METTL25: variants seen among roughly 807,000 people sequenced by gnomAD.
METTL25 encodes the protein probable methyltransferase-like protein 25.
A neutral mutation model predicts 71.6 loss-of-function variants in METTL25; 64 were observed. That is an observed-to-expected ratio of 0.89 (90% CI 0.73 to 1.10). The LOEUF is 1.10. Among genes scored for constraint, METTL25 ranks in the 50% least tolerant of loss-of-function variants. The pLI, the probability that METTL25 is intolerant of heterozygous loss-of-function variation, is 0.00. For missense variants in METTL25, 807 were observed against 707.0 expected, an observed-to-expected ratio of 1.14 and a Z score of -1.60; for synonymous variants, 287 against 250.3, an observed-to-expected ratio of 1.15 and a Z score of -1.38.
At chr12:82,364,772 C>A (rs1393623552) in intron 1 of METTL25, among the ~76,000 whole-genome samples, 1 of 152,038 alleles carries the variant, frequency 6.6e-6, no homozygotes, top group African/African-American at 2.4e-5. Flanking sequence ...ATAATTAGGT[C>A]TTTACTTGGA....
intron 8 of METTL25, among the ~76,000 whole-genome samples, chr12:82,446,242 C>G (rs1003099054): frequency 8.5e-5 from 13 of 152,060 alleles, no homozygotes; most frequent in Non-Finnish European, 5.9e-5. Context: ...CTTGAACACC[C>G]CACTTTTAGT....
intron 5 of METTL25, chr12:82,407,949 A>C: frequency 1.0e-6 from 1 of 985,262 alleles, no homozygotes; most frequent in South Asian, 4.7e-5. Context: ...AAAACAGAGA[A>C]GATGTGAACC....
intron 1 of METTL25, among the ~76,000 whole-genome samples, chr12:82,365,964 C>T (rs1278603065): frequency 1.3e-5 from 2 of 152,058 alleles, no homozygotes; most frequent in East Asian, 3.9e-4. Flanking sequence ...CACCTGTAGT[C>T]CCAGCTACTC....
chr12:82,448,634 T>G (rs1265316755), intron 8 of METTL25, among the ~76,000 whole-genome samples: 1 of 152,080 alleles, frequency 6.6e-6, no homozygotes, highest in Non-Finnish European at 1.5e-5. Flanking sequence ...TAGTTTAATT[T>G]TAATTGTGAT....
intron 1 of METTL25, among the ~76,000 whole-genome samples, chr12:82,373,044 G>A (rs543595053): frequency 3.4e-4 from 51 of 152,046 alleles, no homozygotes; most frequent in Non-Finnish European, 6.3e-4. Context: ...GCACCCTTGC[G>A]TGTCCTCCTA....
chr12:82,470,503 G>C (rs976895719), intron 9 of METTL25, among the ~76,000 whole-genome samples: 10 of 151,988 alleles, frequency 6.6e-5, no homozygotes, highest in Non-Finnish European at 1.5e-4. Flanking sequence ...CACAATACTA[G>C]GCACTACAGT....
At position 82,375,556 on chromosome 12, in the gene METTL25, G is replaced by A. The variant is rs568157226; in HGVS notation, c.260-11247G>A. Among the ~76,000 whole-genome samples the A allele has an allele frequency of 2.0e-5, 3 of 152,278 alleles. No homozygotes were observed. In the South Asian group the frequency reaches 6.2e-4, roughly 32 times the overall value. On this transcript the variant is annotated intron_variant, in intron 1 of 11. Coordinates refer to ENST00000248306, the MANE Select transcript of METTL25 (RefSeq NM_032230.3). ...AGGTCTTCCATGTAGAGATATTTAA[G>A]AAGTCCCATTCACTGCCTCCCAATC...
chr12:82,456,347 T>C (rs1316396712), intron 8 of METTL25, among the ~76,000 whole-genome samples: 1 of 151,942 alleles, frequency 6.6e-6, no homozygotes, highest in Middle Eastern at 3.2e-3. Flanking sequence ...GCTGTTGAAT[T>C]ATTGCCTCTA....
At chr12:82,452,355 T>G (rs1038697567) in intron 8 of METTL25, among the ~76,000 whole-genome samples, 7 of 152,184 alleles carry the variant, frequency 4.6e-5, no homozygotes, top group Non-Finnish European at 1.0e-4. Context: ...TTGCAGTATT[T>G]AGCCAGGTGC....
chr12:82,373,230 C>G (rs1374350819), intron 1 of METTL25, among the ~76,000 whole-genome samples: 1 of 152,110 alleles, frequency 6.6e-6, no homozygotes, highest in African/African-American at 2.4e-5. Context: ...GGGAAGGGAT[C>G]TCGAGGGTTG....
chr12:82,412,085 A>G (rs1214883019), intron 5 of METTL25, among the ~76,000 whole-genome samples: 1 of 152,104 alleles, frequency 6.6e-6, no homozygotes, highest in East Asian at 1.9e-4. Context: ...GTAGTTTCAC[A>G]TATTTTTGAG....
intron 8 of METTL25, chr12:82,439,058 A>C (rs573397200): frequency 1.3e-5 from 3 of 236,122 alleles, no homozygotes; most frequent in Admixed American, 5.6e-5. Context: ...TTGAAGTATT[A>C]AAATATTAAA....
At chr12:82,458,644 C>T (rs1176523075) in intron 9 of METTL25, among the ~76,000 whole-genome samples, 2 of 152,118 alleles carry the variant, frequency 1.3e-5, no homozygotes. Context: ...AAAAAAATCC[C>T]CTCCTTCCAT....
rs866550404 is a variant in METTL25 at position 82,383,427 on chromosome 12, C to T, written c.260-3376C>T. ...AAGACCAAGGTCTTAATTCATACTA[C>T]CTTGGATTCATCCACCTAGTGTCTG... On this transcript the variant is annotated intron_variant, in intron 1 of 11. Transcript: ENST00000248306. Among the ~76,000 whole-genome samples the T allele has an allele frequency of 1.2e-4, 18 of 152,160 alleles. 2 individuals are homozygous for T. In the Middle Eastern group the frequency reaches 0.01, roughly 86 times the overall value.
At chr12:82,433,920 T>A (rs1435369425) in intron 6 of METTL25, among the ~76,000 whole-genome samples, 1 of 151,318 alleles carries the variant, frequency 6.6e-6, no homozygotes, top group East Asian at 1.9e-4. Context: ...AGCTAAAAAT[T>A]ATATATATTT....
At chr12:82,404,828 C>T (rs1452170081) in intron 5 of METTL25, among the ~76,000 whole-genome samples, 1 of 152,044 alleles carries the variant, frequency 6.6e-6, no homozygotes, top group Non-Finnish European at 1.5e-5. Flanking sequence ...CCTGTAATCG[C>T]AGCTACCCTG....
chr12:82,459,556 G>A (rs1192380635), intron 9 of METTL25, among the ~76,000 whole-genome samples: 2 of 152,186 alleles, frequency 1.3e-5, no homozygotes, highest in Non-Finnish European at 2.9e-5. Context: ...GAGCCCAGGA[G>A]TTTGAGGCTG....
At chr12:82,382,979 G>A (rs1884590759) in intron 1 of METTL25, among the ~76,000 whole-genome samples, 1 of 152,012 alleles carries the variant, frequency 6.6e-6, no homozygotes, top group African/African-American at 2.4e-5. Context: ...CAAAGTGCTG[G>A]GATTACAGGT....
intron 5 of METTL25, among the ~76,000 whole-genome samples, chr12:82,420,483 T>C (rs1888379876): frequency 6.6e-6 from 1 of 152,072 alleles, no homozygotes; most frequent in Non-Finnish European, 1.5e-5. Context: ...TTGTATACAT[T>C]ACATATCTGC....
Sources: allele counts gnomAD v4.1 joint callset (sites outside exome capture counted in the v4.1 genomes callset), GRCh38; gene constraint gnomAD v4.1.1; transcripts MANE v1.5; gene names NCBI Gene and HGNC (gene_info 2026-07-23, HGNC 2026-07-21).